IQCM: variants seen among roughly 807,000 people sequenced by gnomAD.
IQCM encodes the protein IQ motif containing M, also known as IQ domain-containing protein M.
Under a neutral mutation model 57.6 loss-of-function variants are expected in IQCM, and 45 were observed. The observed-to-expected ratio is 0.78, with a 90% CI of 0.62 to 1.00. IQCM has a LOEUF of 1.00. Ranked by LOEUF, IQCM falls within the 50% of genes least tolerant of loss-of-function variation. The pLI is 0.00. For synonymous variants in IQCM, 148 were observed against 158.9 expected, an observed-to-expected ratio of 0.93 and a Z score of 0.51; for missense variants, 468 against 511.6, an observed-to-expected ratio of 0.91 and a Z score of 0.82.
At chr4:149,630,294 G>A (rs1757151758) in intron 7 of IQCM, among the ~76,000 whole-genome samples, 1 of 152,178 alleles carries the variant, frequency 6.6e-6, no homozygotes, top group Admixed American at 6.5e-5. Flanking sequence ...CAGCAGGATT[G>A]GGACTGTGTC....
At chr4:149,426,034 G>A (rs1260896496) in intron 13 of IQCM, among the ~76,000 whole-genome samples, 1 of 151,738 alleles carries the variant, frequency 6.6e-6, no homozygotes, top group Non-Finnish European at 1.5e-5. Context: ...TTTATGCCCT[G>A]TTTCTTGAGT....
At chr4:149,620,919 A>T (rs1473794452) in intron 8 of IQCM, among the ~76,000 whole-genome samples, 1 of 152,204 alleles carries the variant, frequency 6.6e-6, no homozygotes, top group African/African-American at 2.4e-5. Context: ...AATGACATGC[A>T]TATTGTGGGA....
At chr4:149,637,100 G>A (rs1305655092) in intron 7 of IQCM, among the ~76,000 whole-genome samples, 1 of 143,318 alleles carries the variant, frequency 7.0e-6, no homozygotes, top group Admixed American at 7.2e-5. Context: ...CCGAGATTGC[G>A]CCACTGCAGT....
At position 149,501,091 on chromosome 4, in the gene IQCM, T is replaced by G. The variant is rs147359610; in HGVS notation, c.1228+47364A>C. Among the ~76,000 whole-genome samples, 4 of 152,320 alleles carry G rather than the reference T, an allele frequency of 2.6e-5. No homozygotes were observed. In the East Asian group the frequency reaches 7.7e-4, roughly 29 times the overall value. On this transcript the variant is annotated intron_variant, in intron 12 of 13. Coordinates refer to ENST00000636793, the MANE Select transcript of IQCM (RefSeq NM_001363507.2). ...AGCTTTTTCCCTTCCATATTTTGGC[T>G]TGCTCACATGCGGTTACTTCCCTCT...
chr4:149,414,068 C>T (rs1733577545), intron 13 of IQCM, among the ~76,000 whole-genome samples: 1 of 152,096 alleles, frequency 6.6e-6, no homozygotes, highest in African/African-American at 2.4e-5. Flanking sequence ...TTTTAAAATG[C>T]ACATTTTTGA....
At chr4:149,395,200 T>C (rs1316072427) in intron 13 of IQCM, among the ~76,000 whole-genome samples, 1 of 152,030 alleles carries the variant, frequency 6.6e-6, no homozygotes, top group Non-Finnish European at 1.5e-5. Flanking sequence ...CACGTTCCTC[T>C]AGGAAACACA....
At chr4:149,717,908 G>A (rs932122981) in intron 5 of IQCM, among the ~76,000 whole-genome samples, 3 of 152,296 alleles carry the variant, frequency 2.0e-5, no homozygotes, top group South Asian at 2.1e-4. Flanking sequence ...CAAAAGGTAC[G>A]TAAACCTCAT....
intron 13 of IQCM, among the ~76,000 whole-genome samples, chr4:149,357,379 G>C (rs1729081088): frequency 2.0e-5 from 3 of 152,118 alleles, no homozygotes; most frequent in African/African-American, 7.2e-5. Flanking sequence ...TTGGCTGTGG[G>C]TTTGTCATTG....
intron 12 of IQCM, among the ~76,000 whole-genome samples, chr4:149,530,301 T>G (rs756143278): frequency 1.3e-5 from 2 of 152,136 alleles, no homozygotes; most frequent in Non-Finnish European, 2.9e-5. Context: ...CCCTCTCCAG[T>G]ACAATGTAAG....
At chr4:149,782,693 A>C (rs1196645237) in intron 2 of IQCM, among the ~76,000 whole-genome samples, 1 of 151,996 alleles carries the variant, frequency 6.6e-6, no homozygotes, top group Non-Finnish European at 1.5e-5. Context: ...AAAAAAAAAA[A>C]CACCACTATC....
chr4:149,489,262 A>C (rs1741840563), intron 12 of IQCM, among the ~76,000 whole-genome samples: 1 of 152,094 alleles, frequency 6.6e-6, no homozygotes, highest in Non-Finnish European at 1.5e-5. Flanking sequence ...ACTAAACACA[A>C]AATGTCCAGC....
At chr4:149,360,270 A>T (rs1049785325) in intron 13 of IQCM, among the ~76,000 whole-genome samples, 4 of 152,210 alleles carry the variant, frequency 2.6e-5, no homozygotes, top group African/African-American at 7.2e-5. Context: ...AGCAAAAATT[A>T]AAAAATGCAG....
chr4:149,649,425 C>T (rs1161325872), intron 7 of IQCM, among the ~76,000 whole-genome samples: 1 of 152,116 alleles, frequency 6.6e-6, no homozygotes, highest in South Asian at 2.1e-4. Context: ...ACAGGTGTGG[C>T]ACTCCAATAT....
At chr4:149,799,133 A>C (rs1773379455) in intron 2 of IQCM, among the ~76,000 whole-genome samples, 1 of 151,878 alleles carries the variant, frequency 6.6e-6, no homozygotes, top group African/African-American at 2.4e-5. Context: ...AAATTAAAAT[A>C]ATATCAAGCA....
chr4:149,590,237 T>C (rs1489342659), intron 8 of IQCM, among the ~76,000 whole-genome samples: 1 of 149,684 alleles, frequency 6.7e-6, no homozygotes. Context: ...TGATTTTTTC[T>C]TTTTCTTTCC....
At chr4:149,735,947 C>CTTTTT (rs142987177) in intron 3 of IQCM, among the ~76,000 whole-genome samples, 6 of 139,876 alleles carry the variant, frequency 4.3e-5, no homozygotes, top group Non-Finnish European at 9.4e-5. Context: ...TTTCTTTCGA[C>CTTTTT]TTTTTTTTTT....
At chr4:149,732,649 G>GT (rs1400332063) in intron 5 of IQCM, among the ~76,000 whole-genome samples, 2 of 151,988 alleles carry the variant, frequency 1.3e-5, no homozygotes, top group African/African-American at 4.8e-5. Context: ...TAGAAATAAC[G>GT]TAAGAGGAAA....
chr4:149,685,448 T>C (rs1409516227), intron 6 of IQCM, among the ~76,000 whole-genome samples: 1 of 151,422 alleles, frequency 6.6e-6, no homozygotes, highest in Non-Finnish European at 1.5e-5. Context: ...TAACCAAACC[T>C]TTAGTATTAA....
intron 12 of IQCM, among the ~76,000 whole-genome samples, chr4:149,473,687 A>G (rs1739847223): frequency 6.6e-6 from 1 of 152,184 alleles, no homozygotes; most frequent in African/African-American, 2.4e-5. Flanking sequence ...TACGTTTATT[A>G]TGGCACTTTT....
Sources: gnomAD v4.1 joint callset for allele counts (sites outside exome capture counted in the v4.1 genomes callset) on GRCh38, gnomAD v4.1.1 for gene constraint, MANE v1.5 for transcripts, NCBI Gene and HGNC (gene_info 2026-07-23, HGNC 2026-07-21) for gene names.